The following CBL variants were observed in gnomAD, a reference collection of about 807,000 sequenced individuals.
CBL encodes the protein E3 ubiquitin-protein ligase CBL.
Under a neutral mutation model 96.9 loss-of-function variants are expected in CBL, and 45 were observed. That is an observed-to-expected ratio of 0.46 (90% CI 0.37 to 0.60). The LOEUF is 0.60. Ranked by LOEUF, CBL falls within the 20% of genes least tolerant of loss-of-function variation. The pLI is 0.00. For synonymous variants in CBL, 420 were observed against 426.8 expected, an observed-to-expected ratio of 0.98 and a Z score of 0.20; for missense variants, 1,024 against 1,143.5, an observed-to-expected ratio of 0.90 and a Z score of 1.51.
chr11:119,247,729 T>G (rs1445469323), intron 2 of CBL, among the ~76,000 whole-genome samples: 1 of 152,164 alleles, frequency 6.6e-6, no homozygotes, highest in Non-Finnish European at 1.5e-5. Flanking sequence ...GAGAATTGCT[T>G]GAAACCCGGC....
chr11:119,222,704 ACTAT>A (rs1949420712), intron 1 of CBL, among the ~76,000 whole-genome samples: 1 of 150,652 alleles, frequency 6.6e-6, no homozygotes, highest in Non-Finnish European at 1.5e-5. Context: ...TTGAAGGTTA[ACTAT>A]GACTGCCAGT....
intron 5 of CBL, among the ~76,000 whole-genome samples, 179 bp downstream of exon 5, chr11:119,275,132 T>G (rs1402892186): frequency 6.6e-6 from 1 of 152,232 alleles, no homozygotes; most frequent in African/African-American, 2.4e-5. Flanking sequence ...GATAAATGTT[T>G]TCAGGCCACT....
At chr11:119,286,299 C>T (rs888491570) in intron 11 of CBL, among the ~76,000 whole-genome samples, 4 of 147,006 alleles carry the variant, frequency 2.7e-5, no homozygotes. Flanking sequence ...AACTTTGTCT[C>T]AAAAAAAAAA....
rs112214824 is a variant in CBL at position 119,277,239 on chromosome 11, G to GCACACACACACACACACACACACA, written c.1008-517_1008-516insACACACACACACACACACACACAC. On this transcript the variant is annotated intron_variant, in intron 6 of 15. Coordinates refer to ENST00000264033, the MANE Select transcript of CBL (RefSeq NM_005188.4). ...CTCAAAAAAAAAATAAGAATCTGTCGCGCACACACACACACACACACACAC... is the reference window on the plus strand; with the variant it reads ...CTCAAAAAAAAAATAAGAATCTGTCGCACACACACACACACACACACACACGCACACACACACACACACACACAC... Among the ~76,000 whole-genome samples, 133 of 138,330 alleles carry GCACACACACACACACACACACACA rather than the reference G, an allele frequency of 9.6e-4. 1 individual carries two copies. The highest frequency in any genetic ancestry group is 3.3e-3 in the African/African-American group (112 of 33,748). 90.7% of individuals were successfully genotyped at this position (138,330 alleles called of 152,430 possible).
chr11:119,305,758 GT>G lies in CBL; in HGVS notation c.*5986del, dbSNP rs541615597. 7.2e-3 allele frequency: 1,620 copies of G among 223,992 alleles called. 21 individuals are homozygous for G. The highest frequency in any genetic ancestry group is 0.026 in the African/African-American group (1,151 of 44,528). The allele number at this position is 223,992 out of a possible 1,614,324, so 13.9% of individuals were successfully genotyped here. On this transcript the variant is annotated 3_prime_UTR_variant, in exon 16 of 16. Transcript: ENST00000264033. ...TCCTATATAAAAGCTTTCCTTTTCTGTTTTTTTTTAAAACTATGCTTTTGCT... is the reference window on the plus strand; with the variant it reads ...TCCTATATAAAAGCTTTCCTTTTCTGTTTTTTTTAAAACTATGCTTTTGCT...
rs1175404128 is a variant in CBL at position 119,301,373 on chromosome 11, A to G, written c.*1592A>G. On this transcript the variant is annotated 3_prime_UTR_variant, in exon 16 of 16. Coordinates refer to ENST00000264033, the MANE Select transcript of CBL (RefSeq NM_005188.4). The stretch of plus-strand genomic sequence containing the variant: ...AAATGATCCCTCGAGTTCAGTTAGT[A>G]TTCTGTCCAGAGTGTTTAGCTCACT... The G allele has an allele frequency of 8.6e-6, 2 of 233,132 alleles. No homozygotes were observed. Among genetic ancestry groups the G allele is most frequent in the African/African-American group, 4.4e-5 (2 of 45,356 alleles). 14.4% of individuals were successfully genotyped at this position (233,132 alleles called of 1,614,324 possible). A position where few individuals can be genotyped will look rare whatever the true frequency, so the allele number is the denominator to read the frequency against.
intron 12 of CBL, 70 bp downstream of exon 12, chr11:119,288,016 G>A (rs1302752397): frequency 4.0e-6 from 4 of 1,010,638 alleles, no homozygotes; most frequent in Non-Finnish European, 6.3e-6. Context: ...GCAGAAAATT[G>A]AGAAAACCCA....
intron 1 of CBL, among the ~76,000 whole-genome samples, chr11:119,212,567 G>T (rs148548329): frequency 0.017 from 2,611 of 151,898 alleles, 64 homozygotes; most frequent in African/African-American, 0.058. Context: ...CGGAGGCTGC[G>T]GTGAGCCGAG....
rs775661028 is a variant in CBL at position 119,298,435 on chromosome 11, C to G, written c.2329C>G (p.Pro777Ala). 1 of 1,614,138 alleles carries G rather than the reference C, an allele frequency of 6.2e-7. No individual in the cohort carries two copies. The highest frequency in any genetic ancestry group is 8.5e-7 in the Non-Finnish European group (1 of 1,180,016). The change falls in exon 15 of 16, where the codon CCA becomes GCA. Residue 777 changes from proline to alanine, a missense_variant. Transcript: ENST00000264033. ...AAATGAGGATGATGGGTATGATGTC[C>G]CAAAGCCACCTGTGCCGGCCGTGCT... Reference protein sequence around the residue: ...SENEDDGYDVPKPPVPAVLAR... With the variant: ...SENEDDGYDVAKPPVPAVLAR...
At chr11:119,258,919 T>G (rs1158598421) in intron 2 of CBL, among the ~76,000 whole-genome samples, 1 of 152,234 alleles carries the variant, frequency 6.6e-6, no homozygotes, top group Admixed American at 6.5e-5. Flanking sequence ...GCACGAGATG[T>G]GTTTCCATTT....
At chr11:119,226,118 A>C (rs1018123102) in intron 1 of CBL, among the ~76,000 whole-genome samples, 2 of 152,142 alleles carry the variant, frequency 1.3e-5, no homozygotes, top group African/African-American at 4.8e-5. Context: ...TTGGTCACCC[A>C]ATTCTTGTGT....
At chr11:119,299,380 C>T (rs1047637566) in intron 15 of CBL, 115 bp from the exon 16 acceptor site, 3 of 947,586 alleles carry the variant, frequency 3.2e-6, no homozygotes, top group South Asian at 1.4e-5. Context: ...CTGAAGAGCA[C>T]ATGTACCCAG....
chr11:119,265,118 C>A (rs1424242590), intron 2 of CBL, among the ~76,000 whole-genome samples: 1 of 152,134 alleles, frequency 6.6e-6, no homozygotes, highest in Non-Finnish European at 1.5e-5. Context: ...TGAGTTCAAG[C>A]AATCTGCCGG....
Position 119,285,286 on chromosome 11 carries a change from T to C in CBL, c.1661T>C (p.Val554Ala), listed in dbSNP as rs1949973924. 6.2e-7 allele frequency: 1 copy of C among 1,613,956 alleles called. No individual in the cohort carries two copies. Among genetic ancestry groups the C allele is most frequent in the African/African-American group, 1.3e-5 (1 of 74,866 alleles). The change falls in exon 11 of 16, where the codon GTT becomes GCT. Residue 554 changes from valine (V) to alanine (A), a missense_variant. Val to Ala is a moderately conservative substitution (Grantham distance 64). Transcript: ENST00000264033. ...CCGCCTCCAGACCGGCCATATTCTG[T>C]TGGAGCAGAATCCCGACCTCAAAGA... ...PPPPPDRPYSVGAESRPQRRP... is the reference protein window; with the variant it reads ...PPPPPDRPYSAGAESRPQRRP...
intron 12 of CBL, among the ~76,000 whole-genome samples, chr11:119,293,608 A>T (rs1428932338): frequency 6.6e-6 from 1 of 152,148 alleles, no homozygotes; most frequent in East Asian, 1.9e-4. Flanking sequence ...CTGGCATTTC[A>T]GGTATACTTC....
intron 2 of CBL, among the ~76,000 whole-genome samples, chr11:119,257,200 G>A (rs1949718488): frequency 1.3e-5 from 2 of 152,196 alleles, no homozygotes; most frequent in Admixed American, 6.6e-5. Flanking sequence ...CAGTGTATAA[G>A]CATTCCCTAT....
Position 119,300,561 on chromosome 11 carries a change from T to TC in CBL, c.*780_*781insC, listed in dbSNP as rs1341818265. ...GAGGAAAAGTACTGTTGCTACACTA[T>TC]TATAGGCATGTTTGATACTAGCAGC... On this transcript the variant is annotated 3_prime_UTR_variant, in exon 16 of 16. Transcript: ENST00000264033. 2 of 399,516 alleles carry TC rather than the reference T, an allele frequency of 5.0e-6. No individual in the cohort carries two copies. Among genetic ancestry groups the TC allele is most frequent in the East Asian group, 7.1e-5 (2 of 28,104 alleles). 24.7% of individuals were successfully genotyped at this position (399,516 alleles called of 1,614,324 possible). A position where few individuals can be genotyped will look rare whatever the true frequency, so the allele number is the denominator to read the frequency against.
chr11:119,208,501 T>G (rs1470418744), intron 1 of CBL, among the ~76,000 whole-genome samples: 1 of 152,048 alleles, frequency 6.6e-6, no homozygotes, highest in Non-Finnish European at 1.5e-5. Context: ...GACATTCTCG[T>G]GCCTCAGCCT....
At position 119,292,569 on chromosome 11, in the gene CBL, C is replaced by T. The variant is rs186551884; in HGVS notation, c.2037-4349C>T. ...CCGAGTAGCTGGGACTACAGGCGCCCGCCACCAAGCCCAGCTAATTTTTTG... is the reference window on the plus strand; with the variant it reads ...CCGAGTAGCTGGGACTACAGGCGCCTGCCACCAAGCCCAGCTAATTTTTTG... On this transcript the variant is annotated intron_variant, in intron 12 of 15. Coordinates refer to ENST00000264033, the MANE Select transcript of CBL (RefSeq NM_005188.4). Among the ~76,000 whole-genome samples the T allele has an allele frequency of 1.7e-3, 254 of 152,058 alleles. 3 individuals carry two copies. In the East Asian group the frequency reaches 0.023, roughly 14 times the overall value.
Sources: allele counts gnomAD v4.1 joint callset (sites outside exome capture counted in the v4.1 genomes callset), GRCh38; gene constraint gnomAD v4.1.1; transcripts MANE v1.5; gene names NCBI Gene and HGNC (gene_info 2026-07-23, HGNC 2026-07-21).